The following KLHL29 variants were observed in gnomAD, a reference collection of about 807,000 sequenced individuals.
The protein encoded by KLHL29 is kelch-like protein 29.
In KLHL29, 21 loss-of-function variants were observed where a neutral mutation model predicts 80.4. That is an observed-to-expected ratio of 0.26 (90% CI 0.19 to 0.38). The LOEUF is 0.38. Among genes scored for constraint, KLHL29 ranks in the 10% least tolerant of loss-of-function variants. The probability of loss-of-function intolerance (pLI) is 1.00; values close to 1 mark genes in which losing one functional copy is unlikely to be tolerated. For synonymous variants in KLHL29, 511 were observed against 526.8 expected (o/e 0.97, Z 0.41); for missense variants, 867 against 1,223.9 (o/e 0.71, Z 4.35).
At chr2:23,553,055 C>T (rs62125427) in intron 2 of KLHL29, among the ~76,000 whole-genome samples, 35,728 of 151,914 alleles carry the variant, frequency 0.24, 4,782 homozygotes, top group Non-Finnish European at 0.3. Flanking sequence ...CCACCACTCC[C>T]GGCCACGGCT....
chr2:23,406,689 A>G (rs1027814166), intron 1 of KLHL29, among the ~76,000 whole-genome samples: 1 of 152,150 alleles, frequency 6.6e-6, no homozygotes, highest in African/African-American at 2.4e-5. Flanking sequence ...TCTGAGGGTA[A>G]TATTGAGCCT....
intron 3 of KLHL29, among the ~76,000 whole-genome samples, chr2:23,614,197 A>G (rs922197774): frequency 9.2e-5 from 14 of 152,154 alleles, no homozygotes; most frequent in African/African-American, 3.4e-4. Flanking sequence ...GGCAGAACCA[A>G]TGTACATCTT....
rs982145575 is a variant in KLHL29 at position 23,681,140 on chromosome 2, C to T, written c.941-3259C>T. 6.6e-6 allele frequency among the ~76,000 whole-genome samples: 1 copy of T among 152,244 alleles called. No individual in the cohort carries two copies. The highest frequency in any genetic ancestry group is 1.5e-5 in the Non-Finnish European group (1 of 68,038). ...CACAGCCTGAGAGCCTAAGCTCCTG[C>T]TTCGCCGGCCGGGCAGGCAGTGGGC... On this transcript the variant is annotated intron_variant, in intron 5 of 13. Coordinates refer to ENST00000486442, the MANE Select transcript of KLHL29 (RefSeq NM_052920.2). This position sits in a 1 kb window ranked among gnomAD's most constrained non-coding sequence, Gnocchi z 4.2.
chr2:23,476,793 A>G (rs1664653225), intron 2 of KLHL29, among the ~76,000 whole-genome samples: 1 of 152,260 alleles, frequency 6.6e-6, no homozygotes, highest in Non-Finnish European at 1.5e-5. Flanking sequence ...TTCTCCAAGC[A>G]GGATCAGGCA....
chr2:23,604,055 C>A (rs1182943072), intron 3 of KLHL29, among the ~76,000 whole-genome samples: 6 of 152,214 alleles, frequency 3.9e-5, no homozygotes, highest in African/African-American at 1.4e-4. Flanking sequence ...CTGGGGCAGC[C>A]CCCGAGGGGA....
Position 23,586,662 on chromosome 2 carries a change from G to A in KLHL29, c.285+24181G>A, listed in dbSNP as rs552812020. 3.7e-3 allele frequency among the ~76,000 whole-genome samples: 562 copies of A among 152,212 alleles called. 4 individuals are homozygous for A. The highest frequency in any genetic ancestry group is 6.8e-3 in the Non-Finnish European group (461 of 67,998). ...AGGCATGAGCCACCGCGCCCGGCCA[G>A]CGTTACTTTTTAAAGTAAGGATCGG... On this transcript the variant is annotated intron_variant, in intron 3 of 13. Transcript: ENST00000486442.
At chr2:23,598,759 C>T (rs745499178) in intron 3 of KLHL29, among the ~76,000 whole-genome samples, 4 of 152,202 alleles carry the variant, frequency 2.6e-5, no homozygotes, top group East Asian at 1.9e-4. Flanking sequence ...GTTCATCATG[C>T]GTGGCCCCTG....
intron 1 of KLHL29, among the ~76,000 whole-genome samples, chr2:23,424,296 G>A (rs1237128629): frequency 1.3e-5 from 2 of 152,170 alleles, no homozygotes; most frequent in Non-Finnish European, 2.9e-5. Context: ...ATGTGTGTGC[G>A]TGGGCGGGTG....
chr2:23,392,113 A>G (rs1157806433), intron 1 of KLHL29, among the ~76,000 whole-genome samples: 4 of 152,232 alleles, frequency 2.6e-5, no homozygotes, highest in African/African-American at 9.6e-5. Flanking sequence ...GTGAAAACAG[A>G]TAACCTCCAT....
chr2:23,447,568 C>T (rs1049228158), intron 1 of KLHL29, among the ~76,000 whole-genome samples: 1 of 152,232 alleles, frequency 6.6e-6, no homozygotes. Flanking sequence ...GCTGCATCTT[C>T]CTAACGCTGA....
At chr2:23,589,427 C>T (rs1032346713) in intron 3 of KLHL29, among the ~76,000 whole-genome samples, 2 of 152,216 alleles carry the variant, frequency 1.3e-5, no homozygotes, top group Non-Finnish European at 2.9e-5. Context: ...TGTGGGGCAC[C>T]CTTGGAGCTG....
At chr2:23,641,344 A>G (rs1380437455) in intron 4 of KLHL29, among the ~76,000 whole-genome samples, 1 of 152,138 alleles carries the variant, frequency 6.6e-6, no homozygotes, top group Admixed American at 6.5e-5. Flanking sequence ...GTTGCTTAGC[A>G]CAAGGCCTGC....
Position 23,584,956 on chromosome 2 carries a change from C to T in KLHL29, c.285+22475C>T, listed in dbSNP as rs569499130. ...TTCGCCATGTTGGCTAGGCTGGTCT[C>T]GAGCTCCTGACTCAGGTGATCCACC... On this transcript the variant is annotated intron_variant, in intron 3 of 13. Transcript: ENST00000486442. 5.3e-5 allele frequency among the ~76,000 whole-genome samples: 8 copies of T among 152,266 alleles called. No homozygotes were observed. The South Asian group carries it at 6.2e-4, about 12-fold the overall frequency.
intron 3 of KLHL29, among the ~76,000 whole-genome samples, chr2:23,571,465 C>T (rs900645065): frequency 5.3e-5 from 8 of 152,192 alleles, no homozygotes; most frequent in Non-Finnish European, 1.0e-4. Context: ...ACCTCGCAGG[C>T]TCAGAGAAAA....
chr2:23,415,557 G>A (rs956818762), intron 1 of KLHL29, among the ~76,000 whole-genome samples: 1 of 152,192 alleles, frequency 6.6e-6, no homozygotes, highest in Admixed American at 6.5e-5. Flanking sequence ...GGACTTTAGT[G>A]CCAGACAGGC....
At chr2:23,512,368 C>G (rs1325677521) in intron 2 of KLHL29, among the ~76,000 whole-genome samples, 1 of 151,894 alleles carries the variant, frequency 6.6e-6, no homozygotes. Context: ...TTGCTTGAAC[C>G]TGGGAGGTGG....
chr2:23,588,521 C>G (rs901554428), intron 3 of KLHL29, among the ~76,000 whole-genome samples: 1 of 152,134 alleles, frequency 6.6e-6, no homozygotes, highest in African/African-American at 2.4e-5. Context: ...CTCTGGGCTT[C>G]TCTCCCTGGC....
intron 2 of KLHL29, among the ~76,000 whole-genome samples, chr2:23,517,758 C>T (rs1665982956): frequency 6.6e-6 from 1 of 152,208 alleles, no homozygotes; most frequent in Non-Finnish European, 1.5e-5. Flanking sequence ...GCTCCTAGGG[C>T]ACATTTGCTC....
chr2:23,585,993 C>T (rs1056160189), intron 3 of KLHL29, among the ~76,000 whole-genome samples: 5 of 152,030 alleles, frequency 3.3e-5, no homozygotes, highest in African/African-American at 1.2e-4. Context: ...TTTTTTCATT[C>T]CCAATGTTTA....
Sources: gnomAD v4.1 joint callset for allele counts (sites outside exome capture counted in the v4.1 genomes callset) on GRCh38, gnomAD v4.1.1 for gene constraint, Gnocchi (gnomAD v3.1) non-coding constraint, MANE v1.5 for transcripts, NCBI Gene and HGNC (gene_info 2026-07-23, HGNC 2026-07-21) for gene names.